SNX31: variants seen among roughly 807,000 people sequenced by gnomAD.
The protein encoded by SNX31 is sorting nexin-31.
Under a neutral mutation model 65.4 loss-of-function variants are expected in SNX31, and 58 were observed. The observed-to-expected ratio is 0.89, with a 90% confidence interval of 0.72 to 1.10. The LOEUF is 1.10. Among genes scored for constraint, SNX31 ranks in the 50% least tolerant of loss-of-function variants. The pLI is 0.00. For missense variants in SNX31, 523 were observed against 529.7 expected, an observed-to-expected ratio of 0.99 and a Z score of 0.12; for synonymous variants, 181 against 190.1, an observed-to-expected ratio of 0.95 and a Z score of 0.39.
chr8:100,600,460 G>T lies in SNX31; in HGVS notation c.682-19C>A. ...GTATTGCCTTAAAATAACATAAGTTGTAAAATTAGCAGTCTTAGCAGAAAT... is the reference window on the plus strand; with the variant it reads ...GTATTGCCTTAAAATAACATAAGTTTTAAAATTAGCAGTCTTAGCAGAAAT... On this transcript the variant is annotated intron_variant, in intron 8 of 13. Coordinates refer to ENST00000311812, the MANE Select transcript of SNX31 (RefSeq NM_152628.4). 1 of 1,594,334 alleles carries T rather than the reference G, an allele frequency of 6.3e-7. No individual in the cohort carries two copies. Among genetic ancestry groups the T allele is most frequent in the East Asian group, 2.2e-5 (1 of 44,596 alleles).
chr8:100,636,442 T>C (rs1818780101), intron 2 of SNX31, among the ~76,000 whole-genome samples: 1 of 152,182 alleles, frequency 6.6e-6, no homozygotes, highest in Non-Finnish European at 1.5e-5. Flanking sequence ...CCTAAAGCGG[T>C]AGCCACCAGT....
Position 100,573,935 on chromosome 8 carries a change from G to C in SNX31, c.1253C>G (p.Ser418Ter). 1 of 1,581,152 alleles carries C rather than the reference G, an allele frequency of 6.3e-7. No individual in the cohort carries two copies. Among genetic ancestry groups the C allele is most frequent in the East Asian group, 2.3e-5 (1 of 42,936 alleles). ...SQQKDYSSFL[S>*]RKSKIKIAKD... ...AGCTATCTTAATCTTGCTTTTTCTTGATAGAAAACTAGAATAGTCTTTCTG... is the reference window on the plus strand; with the variant it reads ...AGCTATCTTAATCTTGCTTTTTCTTCATAGAAAACTAGAATAGTCTTTCTG... The change falls in exon 14 of 14, where the codon TCA becomes TGA. Residue 418 changes from serine to a stop codon, truncating the protein, a stop_gained. Transcript: ENST00000311812. LOFTEE classifies it high-confidence loss of function.
At chr8:100,637,052 G>T (rs554486228) in intron 2 of SNX31, among the ~76,000 whole-genome samples, 1 of 152,198 alleles carries the variant, frequency 6.6e-6, no homozygotes, top group South Asian at 2.1e-4. Context: ...TATTGGACCA[G>T]TGCTGGTTAC....
intron 11 of SNX31, among the ~76,000 whole-genome samples, chr8:100,585,506 T>C (rs1318813377): frequency 1.3e-5 from 2 of 152,074 alleles, no homozygotes; most frequent in Non-Finnish European, 2.9e-5. Context: ...ATGGGCTACA[T>C]ACAGCTCTCA....
chr8:100,574,630 TAAA>T (rs34042673), intron 13 of SNX31, among the ~76,000 whole-genome samples: 5 of 132,074 alleles, frequency 3.8e-5, no homozygotes, highest in African/African-American at 5.6e-5. Flanking sequence ...AGACTCCGTC[TAAA>T]AAAAAAAAAA....
intron 11 of SNX31, among the ~76,000 whole-genome samples, chr8:100,585,225 C>T (rs770911910): frequency 7.9e-5 from 12 of 152,286 alleles, no homozygotes; most frequent in Middle Eastern, 3.4e-3. Flanking sequence ...CCCATTTGCT[C>T]CTTTCCCACT....
intron 10 of SNX31, among the ~76,000 whole-genome samples, chr8:100,592,654 T>A (rs1467493618): frequency 6.6e-6 from 1 of 152,198 alleles, no homozygotes; most frequent in African/African-American, 2.4e-5. Context: ...AAAACATGTC[T>A]ACACAAAAGC....
intron 9 of SNX31, among the ~76,000 whole-genome samples, chr8:100,599,497 G>A (rs544572436): frequency 6.6e-6 from 1 of 152,006 alleles, no homozygotes; most frequent in Admixed American, 6.5e-5. Flanking sequence ...GGGCTGGCAG[G>A]TGGGGGGGAT....
intron 10 of SNX31, among the ~76,000 whole-genome samples, chr8:100,593,787 A>G (rs1814808237): frequency 6.6e-6 from 1 of 152,092 alleles, no homozygotes; most frequent in Non-Finnish European, 1.5e-5. Flanking sequence ...TGCTCCATAC[A>G]AAAATTAACT....
In SNX31 at chr8:100,596,743, C is replaced by T. The variant is rs373670472; in HGVS notation, c.874G>A (p.Val292Ile). ...CAGCAGCTGATCTCATTATTGCCAA[C>T]AGAAAGAACAGCTCCAGAGCCTGAT... is the stretch of plus-strand genomic sequence containing the variant. ...PESGSGAVLSVGNNEISCCIT... is the reference protein window; with the variant it reads ...PESGSGAVLSIGNNEISCCIT... The change falls in exon 10 of 14, where the codon GTT becomes ATT. Residue 292 changes from valine (V) to isoleucine (I), a missense_variant. Transcript: ENST00000311812. 3.1e-6 allele frequency: 5 copies of T among 1,613,988 alleles called. No individual in the cohort carries two copies. The African/African-American group carries it at 4.0e-5, about 13-fold the overall frequency.
intron 4 of SNX31, chr8:100,618,643 C>G: frequency 4.1e-6 from 2 of 491,756 alleles, no homozygotes; most frequent in South Asian, 5.7e-5. Flanking sequence ...GACCCCCTCT[C>G]AGGTTTGATA....
intron 8 of SNX31, among the ~76,000 whole-genome samples, chr8:100,603,102 A>C (rs1346129580): frequency 6.6e-6 from 1 of 152,172 alleles, no homozygotes; most frequent in Non-Finnish European, 1.5e-5. Context: ...CAAGCCACTG[A>C]ATTCTTACCA....
chr8:100,587,251 G>A (rs1814128694), intron 11 of SNX31, among the ~76,000 whole-genome samples: 2 of 152,096 alleles, frequency 1.3e-5, no homozygotes, highest in Admixed American at 6.6e-5. Context: ...GGGGTTTCTG[G>A]GGTAAAACTT....
At chr8:100,657,826 G>A (rs999682543) in intron 1 of SNX31, 8 of 453,734 alleles carry the variant, frequency 1.8e-5, no homozygotes, top group Non-Finnish European at 3.1e-5. Context: ...AGCCAAGATC[G>A]CCCCACTGCA....
intron 8 of SNX31, 22 bp downstream of exon 8, chr8:100,608,472 C>G: frequency 1.2e-6 from 2 of 1,613,180 alleles, no homozygotes; most frequent in Middle Eastern, 1.7e-4. Flanking sequence ...ACGGTGCTGT[C>G]TGAGCTCTTG....
chr8:100,627,930 G>A (rs888552942), intron 4 of SNX31, among the ~76,000 whole-genome samples: 5 of 152,170 alleles, frequency 3.3e-5, no homozygotes, highest in Middle Eastern at 3.4e-3. Flanking sequence ...GTGGGCAAAG[G>A]ATATGAACAG....
At chr8:100,582,314 C>T (rs1225109076) in intron 12 of SNX31, 1 of 152,180 alleles carries the variant, frequency 6.6e-6, no homozygotes, top group Non-Finnish European at 1.5e-5. Flanking sequence ...GAGAGCACTT[C>T]TCCCTTTTAA....
rs2507780 is a variant in SNX31 at position 100,588,738 on chromosome 8, G to A, written c.1092+128C>T. ...ACAAAATAAAAGGTATTACGGTCCC[G>A]AACGAGAGTGCATAGAACACTTTAG... On this transcript the variant is annotated intron_variant, in intron 11 of 13. Transcript: ENST00000311812. The surrounding 1 kb of genome is among the most constrained non-coding windows in gnomAD (Gnocchi z 4.8). 204,262 of 545,492 alleles carry A rather than the reference G, an allele frequency of 0.37. 41,983 individuals carry two copies. Among genetic ancestry groups the A allele is most frequent in the African/African-American group, 0.64 (32,970 of 51,652 alleles). The allele number at this position is 545,492 out of a possible 1,614,324, so 33.8% of individuals were successfully genotyped here.
intron 2 of SNX31, among the ~76,000 whole-genome samples, chr8:100,643,149 C>T (rs1162575384): frequency 2.0e-5 from 3 of 152,060 alleles, no homozygotes; most frequent in African/African-American, 7.2e-5. Flanking sequence ...GCTGAGATCG[C>T]ACCACCTCAC....
Sources: gnomAD v4.1 joint callset for allele counts (sites outside exome capture counted in the v4.1 genomes callset) on GRCh38, gnomAD v4.1.1 for gene constraint, Gnocchi (gnomAD v3.1) non-coding constraint, MANE v1.5 for transcripts, NCBI Gene and HGNC (gene_info 2026-07-23, HGNC 2026-07-21) for gene names.